Variants in FLNC observed in about 807,000 individuals in gnomAD.
FLNC encodes filamin-C.
FLNC carries 91 observed loss-of-function variants against 254.3 expected under a neutral mutation model. The observed-to-expected ratio is 0.36, with a 90% CI of 0.30 to 0.43. The LOEUF is 0.43. Ranked by LOEUF, FLNC falls within the 20% of genes least tolerant of loss-of-function variation. The pLI, the probability that FLNC is intolerant of heterozygous loss-of-function variation, is 1.00. For missense variants in FLNC, 2,853 were observed against 3,802.6 expected, an observed-to-expected ratio of 0.75 and a Z score of 6.57; for synonymous variants, 1,430 against 1,577.2, an observed-to-expected ratio of 0.91 and a Z score of 2.21.
At chr7:128,838,896 G>T in intron 8 of FLNC, 93 bp downstream of exon 8, 1 of 1,200,448 alleles carries the variant, frequency 8.3e-7, no homozygotes, top group East Asian at 2.4e-5. Context: ...GGTCTGCAGA[G>T]ACCCCCTCCC....
chr7:128,840,306 G>A, intron 9 of FLNC, 146 bp downstream of exon 9: 1 of 1,067,588 alleles, frequency 9.4e-7, no homozygotes, highest in Admixed American at 2.0e-5. Flanking sequence ...CAGGCTCATT[G>A]TCTCCTCTCT....
At chr7:128,849,082 C>T in intron 28 of FLNC, 99 bp from the exon 29 acceptor site, 1 of 1,585,396 alleles carries the variant, frequency 6.3e-7, no homozygotes, top group South Asian at 1.1e-5. Flanking sequence ...GGTCGGAGAG[C>T]ACACATGCCC....
intron 43 of FLNC, among the ~76,000 whole-genome samples, chr7:128,855,750 C>T (rs962885888): frequency 2.6e-5 from 4 of 152,214 alleles, no homozygotes; most frequent in African/African-American, 2.4e-5. Context: ...CTCTTCAGGC[C>T]GCTGGGGGCC....
rs906089015 is a variant in FLNC, at chr7:128,842,616, G to A, written c.2307G>A (p.Val769=). 2.6e-6 allele frequency: 4 copies of A among 1,550,274 alleles called. No individual in the cohort carries two copies. The Admixed American group carries it at 5.9e-5, about 23-fold the overall frequency. ...GCAGCCACCCCGAGCGGGTAAAGGTGTACGGCCCCGGAGTGGAGAAGACAG... is the reference window on the plus strand; with the variant it reads ...GCAGCCACCCCGAGCGGGTAAAGGTATACGGCCCCGGAGTGGAGAAGACAG... The part of the protein sequence containing the change: ...GEGSHPERVK[V]YGPGVEKTGL... The change falls in exon 15 of 48, where the codon GTG becomes GTA. Residue 769 remains valine (V), a synonymous_variant. Transcript: ENST00000325888. The surrounding 1 kb of genome is among the most constrained non-coding windows in gnomAD (Gnocchi z 5.4).
At chr7:128,840,243 G>A in intron 9 of FLNC, 83 bp downstream of exon 9, 1 of 1,531,386 alleles carries the variant, frequency 6.5e-7, no homozygotes, top group Non-Finnish European at 9.0e-7. Context: ...CTCCCAGAGG[G>A]CAGTGACAGC....
rs1808928125 is a variant in FLNC, at chr7:128,853,806, C to A, written c.6453C>A (p.Gly2151=). Residue 2151 remains glycine, a synonymous_variant, in exon 39 of 48, where the codon GGC becomes GGA. Coordinates refer to ENST00000325888, the MANE Select transcript of FLNC (RefSeq NM_001458.5). ...RRQAPSIATI[G]STCDLNLKIP... ...AGGCACCTTCCATCGCCACCATCGG[C>A]AGCACCTGTGACCTCAACCTCAAGA... 1 of 1,613,576 alleles carries A rather than the reference C, an allele frequency of 6.2e-7. No individual in the cohort carries two copies. Among genetic ancestry groups the A allele is most frequent in the Non-Finnish European group, 8.5e-7 (1 of 1,180,014 alleles).
rs372167867 is a variant in FLNC at position 128,841,716 on chromosome 7, C to T, written c.2121+149C>T. The T allele has an allele frequency of 3.8e-5, 26 of 676,050 alleles. No homozygotes were observed. In the East Asian group the frequency reaches 6.2e-4, roughly 16 times the overall value. 41.9% of individuals were successfully genotyped at this position (676,050 alleles called of 1,614,324 possible). ...CTGATACTCATGGGCCCATCAGTAC[C>T]ATGGAAAATTTTAAATTTTGTGTTT... On this transcript the variant is annotated intron_variant, in intron 13 of 47. Coordinates refer to ENST00000325888, the MANE Select transcript of FLNC (RefSeq NM_001458.5). This position sits in a 1 kb window ranked among gnomAD's most constrained non-coding sequence, Gnocchi z 4.3.
Position 128,843,546 on chromosome 7 carries a change from C to A in FLNC, c.2780C>A (p.Ser927Tyr), listed in dbSNP as rs1585158690. 1.2e-6 allele frequency: 2 copies of A among 1,613,890 alleles called. No homozygotes were observed. Among genetic ancestry groups the A allele is most frequent in the African/African-American group, 1.3e-5 (1 of 75,042 alleles). The change falls in exon 18 of 48, where the codon TCC becomes TAC. Residue 927 changes from serine (S) to tyrosine (Y), a missense_variant. Physicochemically the swap from Ser to Tyr is moderately radical, Grantham distance 144 (BLOSUM62 -2). Around this residue, in one of 10 missense-constraint regions of FLNC, gnomAD observed 1,573 missense variants for 1,883.5 expected, o/e 0.84. Transcript: ENST00000325888. ...GAGATCATAGACAACCATGACTACT[C>A]CTACACTGTCAAGTACACCGCTGTC... ...DFEIIDNHDYSYTVKYTAVQQ... is the reference protein window; with the variant it reads ...DFEIIDNHDYYYTVKYTAVQQ...
In FLNC at chr7:128,846,980, C is replaced by CTTG. The variant is rs1808595248; in HGVS notation, c.4288+76_4288+77insTGT. 3 of 1,568,276 alleles carry CTTG rather than the reference C, an allele frequency of 1.9e-6. No homozygotes were observed. The African/African-American group carries it at 4.1e-5, about 21-fold the overall frequency. ...GGATGCTCGCCCCACAAGGGGGAAA[C>CTTG]TGGAAGGAAGTTGGGTAAGAATGTT... On this transcript the variant is annotated intron_variant, in intron 24 of 47. Coordinates refer to ENST00000325888, the MANE Select transcript of FLNC (RefSeq NM_001458.5).
Position 128,844,701 on chromosome 7 carries a change from C to T in FLNC, c.3236C>T (p.Thr1079Ile). Residue 1079 changes from threonine to isoleucine, a missense_variant, in exon 21 of 48, where the codon ACC (threonine) becomes ATC (isoleucine). By Grantham distance (89) the Thr-to-Ile change is moderately conservative. Around this residue, in one of 10 missense-constraint regions of FLNC, gnomAD observed 1,573 missense variants for 1,883.5 expected, o/e 0.84. Transcript: ENST00000325888. ...GPGLKGGLVG[T>I]PAPFSIDTKG... is the part of the protein sequence containing the mutation. ...GGTCTCAAGGGTGGACTGGTAGGCA[C>T]CCCCGCGCCATTCTCCATCGACACC... The T allele has an allele frequency of 1.2e-6, 2 of 1,613,492 alleles. No homozygotes were observed. The highest frequency in any genetic ancestry group is 1.1e-5 in the South Asian group (1 of 91,078).
rs753968539 is a variant in FLNC at position 128,856,691 on chromosome 7, G to T, written c.7384+41G>T. 5.6e-6 allele frequency: 9 copies of T among 1,613,754 alleles called. No individual in the cohort carries two copies. Among genetic ancestry groups the T allele is most frequent in the African/African-American group, 2.7e-5 (2 of 74,922 alleles). On this transcript the variant is annotated intron_variant, in intron 44 of 47. Transcript: ENST00000325888. The surrounding 1 kb of genome is among the most constrained non-coding windows in gnomAD (Gnocchi z 5.9). ...CCCTGCCAACTCCCTTCCGGGCTGG[G>T]GCCTTCTGGGGAGGGGAAGGATGGA...
Position 128,845,876 on chromosome 7 carries a change from G to C in FLNC, c.3791-114G>C, listed in dbSNP as rs999048559. 11 of 774,110 alleles carry C rather than the reference G, an allele frequency of 1.4e-5. No individual in the cohort carries two copies. In the East Asian group the frequency reaches 4.1e-4, roughly 29 times the overall value. The allele number at this position is 774,110 out of a possible 1,614,324, so 48.0% of individuals were successfully genotyped here. A position where few individuals can be genotyped will look rare whatever the true frequency, so the allele number is the denominator to read the frequency against. On this transcript the variant is annotated intron_variant, in intron 21 of 47. Transcript: ENST00000325888. Reference sequence around the variant, plus strand: ...GGGGGAGAGGAGGGTGAGAGGAGGGGAAGAGGAGGGGAAGAGGAGAGGGAG... The same window carrying C: ...GGGGGAGAGGAGGGTGAGAGGAGGGCAAGAGGAGGGGAAGAGGAGAGGGAG...
At position 128,836,723 on chromosome 7, in the gene FLNC, C is replaced by T. The variant is rs142457991; in HGVS notation, c.602-437C>T. Among the ~76,000 whole-genome samples, 1,106 of 152,272 alleles carry T rather than the reference C, an allele frequency of 7.3e-3. 20 individuals are homozygous for T. The highest frequency in any genetic ancestry group is 0.057 in the South Asian group (275 of 4,820). On this transcript the variant is annotated intron_variant, in intron 2 of 47. Coordinates refer to ENST00000325888, the MANE Select transcript of FLNC (RefSeq NM_001458.5). This position sits in a 1 kb window ranked among gnomAD's most constrained non-coding sequence, Gnocchi z 6.0. The stretch of plus-strand genomic sequence containing the variant: ...GAAAGCGTTTGGAGTTCTAGAGCTT[C>T]GGGGCAGCTGTGAGGAGGCCTTCTA...
At chr7:128,843,369 G>T (rs1415281650) in intron 17 of FLNC, 39 bp from the exon 18 acceptor site, 1 of 1,613,152 alleles carries the variant, frequency 6.2e-7, no homozygotes, top group Non-Finnish European at 8.5e-7. Context: ...GGGTTAGGTG[G>T]CTGCCAGGCC....
rs1314450369 is a variant in FLNC, at chr7:128,841,395, G to A, written c.2007+32G>A. On this transcript the variant is annotated intron_variant, in intron 12 of 47. Coordinates refer to ENST00000325888, the MANE Select transcript of FLNC (RefSeq NM_001458.5). This position sits in a 1 kb window ranked among gnomAD's most constrained non-coding sequence, Gnocchi z 4.3. ...TCCCAGCTCACACACACCTGCCCCGGGGGTGGGGCAAGCTGGTTCTCCTCC... is the reference window on the plus strand; with the variant it reads ...TCCCAGCTCACACACACCTGCCCCGAGGGTGGGGCAAGCTGGTTCTCCTCC... 1 of 1,613,178 alleles carries A rather than the reference G, an allele frequency of 6.2e-7. No homozygotes were observed. The highest frequency in any genetic ancestry group is 1.3e-5 in the African/African-American group (1 of 74,916).
chr7:128,837,398 G>T lies in FLNC; in HGVS notation c.700G>T (p.Val234Phe). The T allele has an allele frequency of 6.2e-7, 1 of 1,614,102 alleles. No homozygotes were observed. ...QADDWLGVPQVIAPEEIVDPN... is the reference protein window; with the variant it reads ...QADDWLGVPQFIAPEEIVDPN... ...GTGACATCACTCCTTTCCATCGCAG[G>T]TCATTGCCCCTGAGGAGATTGTGGA... The change falls in exon 4 of 48, where the codon GTC becomes TTC. Residue 234 changes from valine (V) to phenylalanine (F), a missense_variant and splice_region_variant. Coordinates refer to ENST00000325888, the MANE Select transcript of FLNC (RefSeq NM_001458.5).
Position 128,854,600 on chromosome 7 carries a change from T to C in FLNC, c.6915T>C (p.Thr2305=), listed in dbSNP as rs1808975093. ...QHVPGSPFQF[T]VGPLGEGGAH... is the part of the protein sequence containing the mutation. ...TGCCCGGCAGCCCCTTTCAGTTCAC[T>C]GTGGGGCCGCTGGGTGAAGGTGGTG... Residue 2305 remains threonine, a synonymous_variant, in exon 41 of 48, where the codon ACT becomes ACC. Coordinates refer to ENST00000325888, the MANE Select transcript of FLNC (RefSeq NM_001458.5). 1.9e-6 allele frequency: 3 copies of C among 1,611,246 alleles called. No individual in the cohort carries two copies. Among genetic ancestry groups the C allele is most frequent in the Admixed American group, 1.7e-5 (1 of 59,582 alleles).
intron 33 of FLNC, 107 bp from the exon 34 acceptor site, chr7:128,851,125 C>A: frequency 6.3e-7 from 1 of 1,582,724 alleles, no homozygotes; most frequent in Non-Finnish European, 8.6e-7. Flanking sequence ...GTCCCTACGG[C>A]ACAGACGGAG....
At position 128,843,285 on chromosome 7, in the gene FLNC, A is replaced by G. The variant is rs747030228; in HGVS notation, c.2607A>G (p.Lys869=). 3 of 1,612,436 alleles carry G rather than the reference A, an allele frequency of 1.9e-6. No homozygotes were observed. The highest frequency in any genetic ancestry group is 2.5e-6 in the Non-Finnish European group (3 of 1,179,292). Residue 869 remains lysine, a synonymous_variant, in exon 17 of 48, where the codon AAA becomes AAG. Transcript: ENST00000325888. ...TGGACCCATCCCACGATGCCAGCAA[A>G]GTCAAGGCCGAGGGCCCTGGGCTGA... ...IKVDPSHDAS[K]VKAEGPGLNR...
Sources: gnomAD v4.1 joint callset for allele counts (sites outside exome capture counted in the v4.1 genomes callset) on GRCh38, gnomAD v4.1.1 for gene constraint, gnomAD v4.1.1 regional missense constraint, Gnocchi (gnomAD v3.1) non-coding constraint, MANE v1.5 for transcripts, NCBI Gene and HGNC (gene_info 2026-07-23, HGNC 2026-07-21) for gene names.